GSG1L: variants seen among roughly 807,000 people sequenced by gnomAD.
GSG1L encodes the protein GSG1 like, also known as germ cell-specific gene 1-like protein.
Under a neutral mutation model 42.1 loss-of-function variants are expected in GSG1L, and 24 were observed. That is an observed-to-expected ratio of 0.57 (90% confidence interval 0.41 to 0.80). GSG1L has a LOEUF of 0.80. Among genes scored for constraint, GSG1L ranks in the 30% least tolerant of loss-of-function variants. GSG1L has a pLI of 0.00. For missense variants in GSG1L, 445 were observed against 472.2 expected (o/e 0.94, Z 0.53); for synonymous variants, 215 against 203.5 (o/e 1.06, Z -0.48).
intron 6 of GSG1L, among the ~76,000 whole-genome samples, chr16:27,794,784 C>A (rs571901434): frequency 6.6e-6 from 1 of 152,276 alleles, no homozygotes; most frequent in African/African-American, 2.4e-5. Flanking sequence ...CAGATCCCAG[C>A]CTGTGTCTTC....
rs1283918418 is a variant in GSG1L, at chr16:28,063,506, C to A, written c.-82G>T. On this transcript the variant is annotated 5_prime_UTR_variant, in exon 1 of 7. Coordinates refer to ENST00000447459, the MANE Select transcript of GSG1L (RefSeq NM_001109763.2). This position sits in a 1 kb window ranked among gnomAD's most constrained non-coding sequence, Gnocchi z 5.8. ...GGCAGCTGGCGCCCCGCGTCAGCGG[C>A]CGCTGCCCGCCGCGCCCCGGGGCTC... 1 of 865,566 alleles carries A rather than the reference C, an allele frequency of 1.2e-6. No individual in the cohort carries two copies. The highest frequency in any genetic ancestry group is 5.8e-5 in the East Asian group (1 of 17,262). The allele number at this position is 865,566 out of a possible 1,614,324, so 53.6% of individuals were successfully genotyped here.
rs79003678 is a variant in GSG1L at position 27,923,809 on chromosome 16, C to T, written c.398-39171G>A. Reference sequence around the variant, plus strand: ...AAGAAAGACAGAGAGAGAGAGAGAACGTGCCAGAAAAACCAATTACAAATA... The same window carrying T: ...AAGAAAGACAGAGAGAGAGAGAGAATGTGCCAGAAAAACCAATTACAAATA... On this transcript the variant is annotated intron_variant, in intron 2 of 6. Coordinates refer to ENST00000447459, the MANE Select transcript of GSG1L (RefSeq NM_001109763.2). 7.3e-3 allele frequency among the ~76,000 whole-genome samples: 1,102 copies of T among 150,752 alleles called. 16 individuals carry two copies. The highest frequency in any genetic ancestry group is 0.025 in the African/African-American group (1,038 of 41,048).
intron 3 of GSG1L, among the ~76,000 whole-genome samples, chr16:27,869,477 ATCTCTCTCTCTCCT>A (rs2083774967): frequency 2.3e-5 from 3 of 128,238 alleles, no homozygotes; most frequent in South Asian, 5.1e-4. Flanking sequence ...GTCTCCCTCC[ATCTCTCTCTCTCCT>A]TCTCTCTCTC....
At chr16:27,963,018 G>A in intron 2 of GSG1L, 138 bp downstream of exon 2, 1 of 701,362 alleles carries the variant, frequency 1.4e-6, no homozygotes, top group South Asian at 1.7e-5. Context: ...CTTTGCAACA[G>A]GGTGTCTGGC....
At chr16:28,042,269 C>A (rs1404143927) in intron 1 of GSG1L, among the ~76,000 whole-genome samples, 1 of 152,032 alleles carries the variant, frequency 6.6e-6, no homozygotes, top group Non-Finnish European at 1.5e-5. Flanking sequence ...AACCCTGTCT[C>A]TACTAAAAGT....
chr16:27,791,350 G>T lies in GSG1L; in HGVS notation c.*20C>A. The T allele has an allele frequency of 7.3e-7, 1 of 1,361,524 alleles. No individual in the cohort carries two copies. Among genetic ancestry groups the T allele is most frequent in the Non-Finnish European group, 9.6e-7 (1 of 1,040,134 alleles). 84.3% of individuals were successfully genotyped at this position (1,361,524 alleles called of 1,614,324 possible). On this transcript the variant is annotated 3_prime_UTR_variant, in exon 7 of 7. Transcript: ENST00000447459. The stretch of plus-strand genomic sequence containing the variant: ...GTGCCAGCGATGGCCTGAGGTCCGC[G>T]GGCCAGGTTGAGGTCTTGGTCACAC...
intron 1 of GSG1L, among the ~76,000 whole-genome samples, chr16:27,994,179 T>A (rs1034620907): frequency 1.3e-5 from 2 of 152,118 alleles, no homozygotes; most frequent in African/African-American, 4.8e-5. Context: ...TTCTGGTGCA[T>A]TGGCGAGACT....
intron 2 of GSG1L, among the ~76,000 whole-genome samples, chr16:27,904,494 T>TA (rs1823157335): frequency 1.3e-5 from 2 of 152,090 alleles, no homozygotes; most frequent in Non-Finnish European, 2.9e-5. Context: ...CCCTAGCATG[T>TA]ATGACCATTC....
At chr16:27,955,696 G>T (rs948802715) in intron 2 of GSG1L, among the ~76,000 whole-genome samples, 18 of 152,186 alleles carry the variant, frequency 1.2e-4, no homozygotes, top group Admixed American at 5.9e-4. Context: ...GTTACTGGAG[G>T]ATATTTTTCC....
rs576112405 is a variant in GSG1L, at chr16:27,972,459, C to A, written c.350-9256G>T. ...TATTAAATGGCACCATATTGGCTTGCCGCTTTTAGAAGTGACCCATAAAAT... is the reference window on the plus strand; with the variant it reads ...TATTAAATGGCACCATATTGGCTTGACGCTTTTAGAAGTGACCCATAAAAT... On this transcript the variant is annotated intron_variant, in intron 1 of 6. Coordinates refer to ENST00000447459, the MANE Select transcript of GSG1L (RefSeq NM_001109763.2). Among the ~76,000 whole-genome samples the A allele has an allele frequency of 2.6e-5, 4 of 152,218 alleles. 1 individual carries two copies. The highest frequency in any genetic ancestry group is 5.9e-5 in the Non-Finnish European group (4 of 68,040).
At chr16:27,875,025 C>T (rs112923535) in intron 3 of GSG1L, among the ~76,000 whole-genome samples, 2 of 152,162 alleles carry the variant, frequency 1.3e-5, no homozygotes, top group African/African-American at 2.4e-5. Flanking sequence ...GAATCCCCCC[C>T]TTGTCTTGAC....
intron 3 of GSG1L, among the ~76,000 whole-genome samples, chr16:27,850,135 T>C (rs1042818635): frequency 7.1e-6 from 1 of 140,424 alleles, no homozygotes; most frequent in East Asian, 2.2e-4. Context: ...TTCAAGTGAT[T>C]CTCCTGCCTC....
chr16:28,055,921 C>T (rs1051955665), intron 1 of GSG1L, among the ~76,000 whole-genome samples: 2 of 59,376 alleles, frequency 3.4e-5, no homozygotes, highest in African/African-American at 3.5e-5. Context: ...AATTTAAACA[C>T]GGGGGAGTGA....
chr16:27,900,326 T>A (rs1163488094), intron 2 of GSG1L, among the ~76,000 whole-genome samples: 1 of 152,226 alleles, frequency 6.6e-6, no homozygotes, highest in Non-Finnish European at 1.5e-5. Context: ...CCTTGGGTGC[T>A]ATTACCATCT....
intron 6 of GSG1L, 115 bp from the exon 7 acceptor site, chr16:27,791,582 G>T: frequency 7.1e-6 from 4 of 564,436 alleles, no homozygotes; most frequent in East Asian, 7.0e-5. Flanking sequence ...TAGGCCTTCT[G>T]CCCATCATGC....
intron 3 of GSG1L, among the ~76,000 whole-genome samples, chr16:27,850,798 A>T (rs900192633): frequency 1.8e-5 from 2 of 112,954 alleles, no homozygotes; most frequent in Admixed American, 9.4e-5. Context: ...TCTATCATCT[A>T]CCTTTTTTTT....
At chr16:27,878,881 A>G (rs963174761) in intron 3 of GSG1L, among the ~76,000 whole-genome samples, 9 of 152,230 alleles carry the variant, frequency 5.9e-5, no homozygotes, top group African/African-American at 2.2e-4. Context: ...ATTCACAGCC[A>G]AGGAGCAGGG....
chr16:27,862,460 A>AGAG (rs758806570), intron 3 of GSG1L, among the ~76,000 whole-genome samples: 2 of 152,262 alleles, frequency 1.3e-5, no homozygotes, highest in Non-Finnish European at 2.9e-5. Context: ...AGCCTAGTGC[A>AGAG]GAGCACCCAC....
At chr16:27,806,218 C>CA (rs2082961010) in intron 6 of GSG1L, among the ~76,000 whole-genome samples, 1 of 152,130 alleles carries the variant, frequency 6.6e-6, no homozygotes, top group African/African-American at 2.4e-5. Flanking sequence ...TGGTTCACTT[C>CA]AGCACCATCT....
Sources: gnomAD v4.1 joint callset for allele counts (sites outside exome capture counted in the v4.1 genomes callset) on GRCh38, gnomAD v4.1.1 for gene constraint, Gnocchi (gnomAD v3.1) non-coding constraint, MANE v1.5 for transcripts, NCBI Gene and HGNC (gene_info 2026-07-23, HGNC 2026-07-21) for gene names.